Variants in ENPP6 observed in about 807,000 individuals in gnomAD.
ENPP6 encodes the protein glycerophosphocholine cholinephosphodiesterase ENPP6.
ENPP6 carries 32 observed loss-of-function variants against 42.0 expected under a neutral mutation model. That is an observed-to-expected ratio of 0.76 (90% CI 0.58 to 1.02). The LOEUF is 1.02. Ranked by LOEUF, ENPP6 falls within the 50% of genes least tolerant of loss-of-function variation. The pLI, the probability that ENPP6 is intolerant of heterozygous loss-of-function variation, is 0.00. For synonymous variants in ENPP6, 213 were observed against 216.0 expected (o/e 0.99, Z 0.12); for missense variants, 552 against 566.8 (o/e 0.97, Z 0.27).
chr4:184,101,580 A>G (rs1278722435), intron 6 of ENPP6, among the ~76,000 whole-genome samples: 1 of 152,132 alleles, frequency 6.6e-6, no homozygotes, highest in Non-Finnish European at 1.5e-5. Flanking sequence ...TTGTTTTGCT[A>G]GCGAGGTTTT....
rs1553996065 is a variant in ENPP6, at chr4:184,131,259, T to TTCCTTCCTTCCTTCCTTC, written c.422-6988_422-6987insGAAGGAAGGAAGGAAGGA. Among the ~76,000 whole-genome samples the TTCCTTCCTTCCTTCCTTC allele has an allele frequency of 5.2e-4, 38 of 73,346 alleles. 1 individual carries two copies. Among genetic ancestry groups the TTCCTTCCTTCCTTCCTTC allele is most frequent in the Admixed American group, 1.7e-3 (12 of 7,222 alleles). 48.1% of individuals were successfully genotyped at this position (73,346 alleles called of 152,430 possible). A position where few individuals can be genotyped will look rare whatever the true frequency, so the allele number is the denominator to read the frequency against. ...CCTTTTCTTTCTTTCTTTCTCTTTC[T>TTCCTTCCTTCCTTCCTTC]CTTCCTTCCTTCCTTCCTTCCTTCC... is the stretch of plus-strand genomic sequence containing the variant. On this transcript the variant is annotated intron_variant, in intron 2 of 7. Coordinates refer to ENST00000296741, the MANE Select transcript of ENPP6 (RefSeq NM_153343.4).
chr4:184,121,644 T>C (rs4862312), intron 3 of ENPP6, among the ~76,000 whole-genome samples: 106,378 of 151,486 alleles, frequency 0.7, 37,884 homozygotes, highest in African/African-American at 0.81. Flanking sequence ...CAAGGGTCTC[T>C]GATGGACAGA....
chr4:184,208,927 C>T (rs1014563328), intron 1 of ENPP6, among the ~76,000 whole-genome samples: 17 of 143,982 alleles, frequency 1.2e-4, no homozygotes, highest in East Asian at 8.0e-4. Context: ...GGTCCCTGAC[C>T]CCTGACCCCC....
intron 4 of ENPP6, 145 bp from the exon 5 acceptor site, chr4:184,117,180 A>G: frequency 1.0e-6 from 1 of 958,794 alleles, no homozygotes; most frequent in Non-Finnish European, 1.5e-6. Flanking sequence ...GGTGAGACCC[A>G]GTTCAAAACC....
chr4:184,157,555 C>T (rs558885260), intron 1 of ENPP6, among the ~76,000 whole-genome samples: 3 of 139,344 alleles, frequency 2.2e-5, no homozygotes, highest in South Asian at 4.5e-4. Flanking sequence ...TTTCCTTTCT[C>T]TCTTTCTTTC....
At chr4:184,145,055 G>A (rs1359320800) in intron 2 of ENPP6, among the ~76,000 whole-genome samples, 1 of 152,254 alleles carries the variant, frequency 6.6e-6, no homozygotes, top group Non-Finnish European at 1.5e-5. Context: ...AGCGCCAGGA[G>A]GAGGAGGAGG....
chr4:184,202,837 A>G (rs189112501), intron 1 of ENPP6, among the ~76,000 whole-genome samples: 2 of 152,356 alleles, frequency 1.3e-5, no homozygotes, highest in East Asian at 3.9e-4. Flanking sequence ...CCTTACTGAT[A>G]AAGGGGGTAA....
chr4:184,149,438 C>A (rs1461477737), intron 2 of ENPP6, among the ~76,000 whole-genome samples: 6 of 152,212 alleles, frequency 3.9e-5, no homozygotes, highest in Admixed American at 2.6e-4. Context: ...GAGTCAAATG[C>A]CCACCCACTA....
At chr4:184,131,579 G>C (rs1014137570) in intron 2 of ENPP6, among the ~76,000 whole-genome samples, 2 of 150,344 alleles carry the variant, frequency 1.3e-5, no homozygotes, top group African/African-American at 4.9e-5. Context: ...GGCCAGGCTG[G>C]TCTTGAACTC....
At chr4:184,158,076 T>C (rs1737204408) in intron 1 of ENPP6, among the ~76,000 whole-genome samples, 1 of 152,202 alleles carries the variant, frequency 6.6e-6, no homozygotes, top group Non-Finnish European at 1.5e-5. Flanking sequence ...ATGTATTTAT[T>C]AGATAATGTT....
chr4:184,130,382 C>T (rs2111356671), intron 2 of ENPP6, among the ~76,000 whole-genome samples: 1 of 146,724 alleles, frequency 6.8e-6, no homozygotes, highest in East Asian at 2.0e-4. Context: ...CACGGTGAAA[C>T]CCTGTCTCTA....
intron 1 of ENPP6, among the ~76,000 whole-genome samples, chr4:184,199,045 C>T (rs879495491): frequency 1.2e-4 from 18 of 152,208 alleles, no homozygotes; most frequent in Non-Finnish European, 2.6e-4. Flanking sequence ...GCCTCCATGC[C>T]ACGAAGCATA....
At chr4:184,108,299 C>T (rs2111338261) in intron 6 of ENPP6, among the ~76,000 whole-genome samples, 1 of 152,320 alleles carries the variant, frequency 6.6e-6, no homozygotes, top group South Asian at 2.1e-4. Context: ...CTTGCCATGC[C>T]ACAGATGTGA....
Position 184,217,750 on chromosome 4 carries a change from G to A in ENPP6, c.70C>T (p.Arg24Trp), listed in dbSNP as rs1338568059. 5 of 1,614,152 alleles carry A rather than the reference G, an allele frequency of 3.1e-6. No individual in the cohort carries two copies. The highest frequency in any genetic ancestry group is 1.3e-5 in the African/African-American group (1 of 75,062). Residue 24 changes from arginine to tryptophan, a missense_variant, in exon 1 of 8, where the codon CGG becomes TGG. This residue lies in a region of ENPP6 where 545 missense variants were observed against 546.3 expected (regional missense o/e 1.00). Coordinates refer to ENST00000296741, the MANE Select transcript of ENPP6 (RefSeq NM_153343.4). ...TCCAGCAGAAACACCAGCAGCTTCC[G>A]GCGGGCAGAGGCTGGCTGGGCCAGG... ...LGLAQPASAR[R>W]KLLVFLLDGF...
chr4:184,208,348 G>T (rs1403978799), intron 1 of ENPP6, among the ~76,000 whole-genome samples: 1 of 152,198 alleles, frequency 6.6e-6, no homozygotes, highest in Non-Finnish European at 1.5e-5. Context: ...TCACTAGGGA[G>T]TGCCAGACAG....
chr4:184,157,773 A>ACTT (rs1737196688), intron 1 of ENPP6, among the ~76,000 whole-genome samples: 1 of 19,004 alleles, frequency 5.3e-5, no homozygotes, highest in South Asian at 3.8e-3. Flanking sequence ...AAACTTGGCT[A>ACTT]ATTTTTTTTT....
At chr4:184,114,308 G>C (rs1386299937) in intron 5 of ENPP6, among the ~76,000 whole-genome samples, 4 of 152,096 alleles carry the variant, frequency 2.6e-5, no homozygotes, top group Non-Finnish European at 5.9e-5. Context: ...AATATCTATG[G>C]CTAAAATTAA....
At chr4:184,127,889 A>G (rs1736531313) in intron 2 of ENPP6, among the ~76,000 whole-genome samples, 2 of 152,232 alleles carry the variant, frequency 1.3e-5, no homozygotes, top group Admixed American at 1.3e-4. Flanking sequence ...GTTCCAAATT[A>G]TGTCAACAGA....
intron 1 of ENPP6, among the ~76,000 whole-genome samples, chr4:184,171,734 T>C (rs976389519): frequency 6.6e-6 from 1 of 152,212 alleles, no homozygotes; most frequent in Non-Finnish European, 1.5e-5. Flanking sequence ...TTGATATAGT[T>C]AGTTATTTAA....
Sources: gnomAD v4.1 joint callset for allele counts (sites outside exome capture counted in the v4.1 genomes callset) on GRCh38, gnomAD v4.1.1 for gene constraint, gnomAD v4.1.1 regional missense constraint, MANE v1.5 for transcripts, NCBI Gene and HGNC (gene_info 2026-07-23, HGNC 2026-07-21) for gene names.